CNTNAP2: variants seen among roughly 807,000 people sequenced by gnomAD.
CNTNAP2 encodes the protein contactin-associated protein-like 2.
In CNTNAP2, 98 loss-of-function variants were observed where a neutral mutation model predicts 155.2. The observed-to-expected ratio is 0.63, with a 90% CI of 0.54 to 0.75. The LOEUF (loss-of-function observed/expected upper bound fraction) is 0.75, where lower values mean the gene tolerates loss of function less well. Among genes scored for constraint, CNTNAP2 ranks in the 30% least tolerant of loss-of-function variants. The probability of loss-of-function intolerance (pLI) is 0.00; values close to 1 mark genes in which losing one functional copy is unlikely to be tolerated. For missense variants in CNTNAP2, 1,727 were observed against 1,688.1 expected (o/e 1.02, Z -0.40); for synonymous variants, 651 against 631.2 (o/e 1.03, Z -0.47).
Position 146,830,995 on chromosome 7 carries a change from T to C in CNTNAP2, c.209-8716T>C, listed in dbSNP as rs555283168. Reference sequence around the variant, plus strand: ...CCAGCCCACATTTTACTAGTTTACATTTGCCAGATATTTTGTCAAATGCTT... The same window carrying C: ...CCAGCCCACATTTTACTAGTTTACACTTGCCAGATATTTTGTCAAATGCTT... On this transcript the variant is annotated intron_variant, in intron 2 of 23. Coordinates refer to ENST00000361727, the MANE Select transcript of CNTNAP2 (RefSeq NM_014141.6). 2.0e-5 allele frequency among the ~76,000 whole-genome samples: 3 copies of C among 152,318 alleles called. No individual in the cohort carries two copies. The South Asian group carries it at 6.2e-4, about 32-fold the overall frequency.
intron 9 of CNTNAP2, among the ~76,000 whole-genome samples, chr7:147,316,642 A>T (rs1319130748): frequency 2.0e-5 from 3 of 152,206 alleles, no homozygotes; most frequent in Admixed American, 6.5e-5. Flanking sequence ...ACGAATTTTG[A>T]TTCATATACT....
chr7:148,244,171 GA>G (rs1796211422), intron 20 of CNTNAP2, among the ~76,000 whole-genome samples: 1 of 152,208 alleles, frequency 6.6e-6, no homozygotes, highest in East Asian at 1.9e-4. Context: ...AGGTAGGAGA[GA>G]TGGGGGCCAG....
intron 12 of CNTNAP2, among the ~76,000 whole-genome samples, chr7:147,619,345 C>T (rs1057426509): frequency 6.6e-5 from 10 of 152,116 alleles, no homozygotes; most frequent in African/African-American, 2.4e-4. Flanking sequence ...ATGATACTAG[C>T]AAAGGAAAAT....
rs752215714 is a variant in CNTNAP2, at chr7:147,219,921, A to G, written c.1349-80220A>G. 2.7e-3 allele frequency among the ~76,000 whole-genome samples: 393 copies of G among 145,892 alleles called. 1 individual carries two copies. The highest frequency in any genetic ancestry group is 9.2e-3 in the African/African-American group (366 of 39,616). On this transcript the variant is annotated intron_variant, in intron 8 of 23. Coordinates refer to ENST00000361727, the MANE Select transcript of CNTNAP2 (RefSeq NM_014141.6). ...CTCCCAAGTAGCTGGGACTACAGGCACCCACCACCACGCCCAGCTAATTTT... is the reference window on the plus strand; with the variant it reads ...CTCCCAAGTAGCTGGGACTACAGGCGCCCACCACCACGCCCAGCTAATTTT...
chr7:146,922,266 A>G (rs887015974), intron 3 of CNTNAP2, among the ~76,000 whole-genome samples: 4 of 152,078 alleles, frequency 2.6e-5, no homozygotes, highest in Non-Finnish European at 5.9e-5. Context: ...ATAAAGGAAA[A>G]AAAAAAAACG....
intron 15 of CNTNAP2, among the ~76,000 whole-genome samples, chr7:148,077,519 G>T (rs1042528942): frequency 2.0e-5 from 3 of 152,116 alleles, no homozygotes; most frequent in African/African-American, 7.2e-5. Flanking sequence ...TAAAGGTTGT[G>T]AGCTCTTCCC....
intron 16 of CNTNAP2, among the ~76,000 whole-genome samples, chr7:148,126,529 G>A (rs1057070457): frequency 1.3e-5 from 2 of 152,214 alleles, no homozygotes; most frequent in Non-Finnish European, 2.9e-5. Flanking sequence ...CAGGAAAGCA[G>A]TTTGGGCGGT....
At chr7:147,789,114 C>T (rs564786592) in intron 13 of CNTNAP2, among the ~76,000 whole-genome samples, 12 of 151,906 alleles carry the variant, frequency 7.9e-5, no homozygotes, top group African/African-American at 2.9e-4. Flanking sequence ...ACCATGTTGG[C>T]CAGGCTGGTC....
intron 13 of CNTNAP2, among the ~76,000 whole-genome samples, chr7:147,775,293 A>AAATATATT (rs1563084449): frequency 2.0e-5 from 1 of 50,784 alleles, no homozygotes; most frequent in African/African-American, 1.5e-4. Context: ...AAATATATAT[A>AAATATATT]TTTATATATA....
chr7:148,024,157 TAAAAAAA>T (rs34591496), intron 15 of CNTNAP2, among the ~76,000 whole-genome samples: 3 of 107,600 alleles, frequency 2.8e-5, no homozygotes, highest in East Asian at 6.8e-4. Context: ...CTTTAAAGTG[TAAAAAAA>T]AAAAAAAAAA....
intron 8 of CNTNAP2, among the ~76,000 whole-genome samples, chr7:147,227,308 C>T (rs1803569935): frequency 6.6e-6 from 1 of 151,566 alleles, no homozygotes; most frequent in African/African-American, 2.4e-5. Flanking sequence ...TGGAGAATAT[C>T]TAGACTCTTG....
chr7:146,784,496 T>C (rs1802541220), intron 2 of CNTNAP2, among the ~76,000 whole-genome samples: 3 of 152,188 alleles, frequency 2.0e-5, no homozygotes, highest in Admixed American at 2.0e-4. Context: ...CACATCTGAA[T>C]TAGCAAATCA....
chr7:148,209,182 A>G (rs1004795497), intron 18 of CNTNAP2, among the ~76,000 whole-genome samples: 1 of 152,020 alleles, frequency 6.6e-6, no homozygotes, highest in Non-Finnish European at 1.5e-5. Flanking sequence ...CTGGAGTGCA[A>G]TGGTGCCATG....
chr7:148,315,311 A>G (rs1484880512), intron 21 of CNTNAP2, among the ~76,000 whole-genome samples: 2 of 152,278 alleles, frequency 1.3e-5, no homozygotes, highest in South Asian at 4.2e-4. Flanking sequence ...GAGAGTCAGC[A>G]AAGGGAGATA....
chr7:147,147,076 G>C (rs1393233150), intron 8 of CNTNAP2, among the ~76,000 whole-genome samples: 1 of 152,128 alleles, frequency 6.6e-6, no homozygotes, highest in Non-Finnish European at 1.5e-5. Context: ...GACTGGGGAG[G>C]CCTCGGGAAA....
intron 1 of CNTNAP2, among the ~76,000 whole-genome samples, chr7:146,572,206 C>T (rs1798451609): frequency 6.6e-6 from 1 of 151,372 alleles, no homozygotes. Context: ...GACCTCTTAA[C>T]CTAGAGCTGC....
At chr7:148,093,312 C>T (rs1803888919) in intron 15 of CNTNAP2, among the ~76,000 whole-genome samples, 1 of 152,130 alleles carries the variant, frequency 6.6e-6, no homozygotes, top group Non-Finnish European at 1.5e-5. Flanking sequence ...TCACAATGTA[C>T]GTGACTCTTG....
chr7:146,764,299 A>G (rs1450070977), intron 1 of CNTNAP2, among the ~76,000 whole-genome samples: 1 of 152,150 alleles, frequency 6.6e-6, no homozygotes, highest in Admixed American at 6.5e-5. Context: ...TAAAAAAAGA[A>G]AAGTCTACTG....
chr7:148,140,456 T>C (rs1480436123), intron 16 of CNTNAP2, among the ~76,000 whole-genome samples: 1 of 150,708 alleles, frequency 6.6e-6, no homozygotes, highest in Non-Finnish European at 1.5e-5. Flanking sequence ...AGTTTCGCTC[T>C]TGTTGCCCAG....
Sources: gnomAD v4.1 joint callset for allele counts (sites outside exome capture counted in the v4.1 genomes callset) on GRCh38, gnomAD v4.1.1 for gene constraint, MANE v1.5 for transcripts, NCBI Gene and HGNC (gene_info 2026-07-23, HGNC 2026-07-21) for gene names.